SH3PXD2B: variants seen among roughly 807,000 people sequenced by gnomAD.
The protein encoded by SH3PXD2B is SH3 and PX domains 2B, also known as SH3 and PX domain-containing protein 2B.
Under a neutral mutation model 73.1 loss-of-function variants are expected in SH3PXD2B, and 37 were observed. The observed-to-expected ratio is 0.51, with a 90% CI of 0.39 to 0.67. SH3PXD2B has a LOEUF of 0.67. Ranked by LOEUF, SH3PXD2B falls within the 30% of genes least tolerant of loss-of-function variation. The probability of loss-of-function intolerance (pLI) is 0.00; values close to 1 mark genes in which losing one functional copy is unlikely to be tolerated. For missense variants in SH3PXD2B, 1,053 were observed against 1,197.8 expected (o/e 0.88, Z 1.78); for synonymous variants, 457 against 480.5 (o/e 0.95, Z 0.64).
intron 7 of SH3PXD2B, among the ~76,000 whole-genome samples, chr5:172,359,312 A>T (rs192025848): frequency 1.3e-5 from 2 of 148,570 alleles, no homozygotes; most frequent in East Asian, 4.1e-4. Flanking sequence ...ACCTGAGCCC[A>T]GGAGGTCAAG....
At chr5:172,402,029 G>A (rs1233035517) in intron 3 of SH3PXD2B, among the ~76,000 whole-genome samples, 2 of 152,236 alleles carry the variant, frequency 1.3e-5, no homozygotes, top group Non-Finnish European at 2.9e-5. Context: ...CTGCCTGAGA[G>A]CTGGGCGGAA....
rs1756775415 is a variant in SH3PXD2B at position 172,339,003 on chromosome 5, A to G, written c.2102T>C (p.Leu701Pro). 1.2e-6 allele frequency: 2 copies of G among 1,614,076 alleles called. No individual in the cohort carries two copies. Among genetic ancestry groups the G allele is most frequent in the Non-Finnish European group, 1.7e-6 (2 of 1,179,922 alleles). The change falls in exon 13 of 13, where the codon CTC becomes CCC. Residue 701 changes from leucine to proline, a missense_variant. Around this residue, in one of 2 missense-constraint regions of SH3PXD2B, gnomAD observed 587 missense variants for 590.7 expected, o/e 0.99. Transcript: ENST00000311601. This position sits in a 1 kb window ranked among gnomAD's most constrained non-coding sequence, Gnocchi z 6.1. Reference sequence around the variant, plus strand: ...GGCGCGGCCAGGCCCCTCTCCTGGGAGGAAGCTTCGGCTGAAGGCCACGTC... The same window carrying G: ...GGCGCGGCCAGGCCCCTCTCCTGGGGGGAAGCTTCGGCTGAAGGCCACGTC... The part of the protein sequence containing the change: ...GQDVAFSRSF[L>P]PGEGPGRAQD...
chr5:172,340,498 C>T (rs1316827804), intron 12 of SH3PXD2B, among the ~76,000 whole-genome samples: 1 of 152,174 alleles, frequency 6.6e-6, no homozygotes, highest in African/African-American at 2.4e-5. Context: ...ATTCTAAAGA[C>T]AAGGCAGAAG....
intron 1 of SH3PXD2B, among the ~76,000 whole-genome samples, chr5:172,446,901 A>T (rs1017302635): frequency 2.0e-5 from 3 of 152,058 alleles, no homozygotes; most frequent in African/African-American, 7.2e-5. Flanking sequence ...GGTATTTTAA[A>T]CTCATCGCTT....
At chr5:172,416,358 C>T (rs973778022) in intron 2 of SH3PXD2B, among the ~76,000 whole-genome samples, 12 of 146,812 alleles carry the variant, frequency 8.2e-5, no homozygotes, top group African/African-American at 1.0e-4. Flanking sequence ...GACGGAGTTT[C>T]GCTCTTGTTG....
chr5:172,354,945 G>A (rs531925802), intron 8 of SH3PXD2B, among the ~76,000 whole-genome samples: 39 of 152,302 alleles, frequency 2.6e-4, no homozygotes, highest in Middle Eastern at 6.8e-3. Flanking sequence ...GGCAGGGCGG[G>A]TTGCTCATCG....
intron 1 of SH3PXD2B, among the ~76,000 whole-genome samples, chr5:172,441,850 A>T (rs1759557271): frequency 6.6e-6 from 1 of 151,998 alleles, no homozygotes; most frequent in East Asian, 1.9e-4. Flanking sequence ...AGGAGAAGGG[A>T]TTCCTCCATG....
Position 172,337,636 on chromosome 5 carries a change from G to A in SH3PXD2B, c.*733C>T. ...GGAACTCTCATTGAAAAGCCCTGGA[G>A]GGACCGGAGCCTGCAGCAGCAAAGC... On this transcript the variant is annotated 3_prime_UTR_variant, in exon 13 of 13. Coordinates refer to ENST00000311601, the MANE Select transcript of SH3PXD2B (RefSeq NM_001017995.3). 1.0e-6 allele frequency: 1 copy of A among 986,140 alleles called. No individual in the cohort carries two copies. Among genetic ancestry groups the A allele is most frequent in the Non-Finnish European group, 1.2e-6 (1 of 830,472 alleles). 61.1% of individuals were successfully genotyped at this position (986,140 alleles called of 1,614,324 possible). A position where few individuals can be genotyped will look rare whatever the true frequency, so the allele number is the denominator to read the frequency against.
At chr5:172,426,521 G>A (rs897026508) in intron 1 of SH3PXD2B, among the ~76,000 whole-genome samples, 1 of 152,218 alleles carries the variant, frequency 6.6e-6, no homozygotes, top group African/African-American at 2.4e-5. Flanking sequence ...GTTCCTGCTT[G>A]TCTAGTACCT....
chr5:172,425,087 G>C (rs1308545549), intron 1 of SH3PXD2B, among the ~76,000 whole-genome samples: 1 of 152,152 alleles, frequency 6.6e-6, no homozygotes, highest in African/African-American at 2.4e-5. Flanking sequence ...AGGCGACTTT[G>C]TGATGTGAAA....
At chr5:172,386,303 G>A (rs1021037712) in intron 4 of SH3PXD2B, among the ~76,000 whole-genome samples, 1 of 152,134 alleles carries the variant, frequency 6.6e-6, no homozygotes, top group African/African-American at 2.4e-5. Context: ...AACCCTGTTG[G>A]CTCTCTATAC....
Position 172,346,178 on chromosome 5 carries a change from G to A in SH3PXD2B, c.1146C>T (p.Thr382=). Residue 382 remains threonine, a synonymous_variant, in exon 12 of 13, where the codon ACC becomes ACT. Transcript: ENST00000311601. ...EYYTIAEFQT[T]IPDGISFQAG... is the part of the protein sequence containing the mutation. ...CCTGGAAGCTGATGCCGTCTGGGAT[G>A]GTTGTCTGGAATTCGGCGATGGTGT... The A allele has an allele frequency of 5.0e-6, 8 of 1,614,152 alleles. No individual in the cohort carries two copies. In the South Asian group the frequency reaches 5.5e-5, roughly 11 times the overall value.
At chr5:172,341,673 CAG>C (rs758183837) in intron 12 of SH3PXD2B, among the ~76,000 whole-genome samples, 16 of 152,252 alleles carry the variant, frequency 1.1e-4, no homozygotes, top group South Asian at 4.1e-4. Flanking sequence ...TTTTTTGAGA[CAG>C]AGTCTCGCTC....
intron 1 of SH3PXD2B, among the ~76,000 whole-genome samples, chr5:172,438,180 G>C (rs995751138): frequency 2.0e-5 from 3 of 152,076 alleles, no homozygotes; most frequent in African/African-American, 7.2e-5. Context: ...TCCCTGCCCT[G>C]CTCAGCTCCT....
At chr5:172,386,004 G>A (rs1346560047) in intron 4 of SH3PXD2B, among the ~76,000 whole-genome samples, 2 of 152,166 alleles carry the variant, frequency 1.3e-5, no homozygotes, top group Admixed American at 6.5e-5. Context: ...GTTCTGGAAC[G>A]GATCCTGGCG....
Position 172,336,010 on chromosome 5 carries a change from C to A in SH3PXD2B, c.*2359G>T, listed in dbSNP as rs1254109688. 1 of 1,008,474 alleles carries A rather than the reference C, an allele frequency of 9.9e-7. No individual in the cohort carries two copies. The highest frequency in any genetic ancestry group is 5.9e-5 in the Admixed American group (1 of 16,900). 62.5% of individuals were successfully genotyped at this position (1,008,474 alleles called of 1,614,324 possible). A position where few individuals can be genotyped will look rare whatever the true frequency, so the allele number is the denominator to read the frequency against. ...GAAGGCAGGGCAAGTCTGCTCCTAC[C>A]CAGCTGACCCCCGGGAGGAAGGAAT... On this transcript the variant is annotated 3_prime_UTR_variant, in exon 13 of 13. Transcript: ENST00000311601.
Position 172,346,089 on chromosome 5 carries a change from TG to T in SH3PXD2B, c.1188+46del, listed in dbSNP as rs1277927654. 6.2e-6 allele frequency: 10 copies of T among 1,612,748 alleles called. No homozygotes were observed. In the African/African-American group the frequency reaches 1.3e-4, roughly 22 times the overall value. ...CAGGGGAGAAGTAGGAGGTGATGCCTGGAATCAGGAATCACAAGTAGGCAAA... is the reference window on the plus strand; with the variant it reads ...CAGGGGAGAAGTAGGAGGTGATGCCTGAATCAGGAATCACAAGTAGGCAAA... On this transcript the variant is annotated intron_variant, in intron 12 of 12. Coordinates refer to ENST00000311601, the MANE Select transcript of SH3PXD2B (RefSeq NM_001017995.3).
chr5:172,329,083 A>ATATATATATATATATATTTTTTTT (rs58472514), downstream of SH3PXD2B, among the ~76,000 whole-genome samples: 1 of 61,818 alleles, frequency 1.6e-5, no homozygotes, highest in African/African-American at 7.8e-5. Context: ...ATATATATAT[A>ATATATATATATATATATTTTTTTT]TTTTTTTTTT....
At chr5:172,356,285 C>G (rs937690702) in intron 8 of SH3PXD2B, among the ~76,000 whole-genome samples, 1 of 152,180 alleles carries the variant, frequency 6.6e-6, no homozygotes, top group African/African-American at 2.4e-5. Context: ...ATCCTGATGA[C>G]AGTTTCAAAC....
Sources: allele counts gnomAD v4.1 joint callset (sites outside exome capture counted in the v4.1 genomes callset), GRCh38; gene constraint gnomAD v4.1.1; regional missense constraint gnomAD v4.1.1; non-coding constraint Gnocchi (gnomAD v3.1); transcripts MANE v1.5; gene names NCBI Gene and HGNC (gene_info 2026-07-23, HGNC 2026-07-21).